CLU: variants seen among roughly 807,000 people sequenced by gnomAD.
The protein encoded by CLU is clusterin.
Under a neutral mutation model 46.4 loss-of-function variants are expected in CLU, and 25 were observed. The ratio of observed to expected loss-of-function variants is 0.54; its 90% CI spans 0.39 to 0.75. The LOEUF is 0.75. Ranked by LOEUF, CLU falls within the 30% of genes least tolerant of loss-of-function variation. CLU has a pLI of 0.00. For missense variants in CLU, 504 were observed against 592.1 expected (o/e 0.85, Z 1.54); for synonymous variants, 235 against 235.1 (o/e 1.00, Z 0.00).
At chr8:27,610,305 G>A (rs1255848579) in intron 2 of CLU, among the ~76,000 whole-genome samples, 170 bp downstream of exon 2, 1 of 152,228 alleles carries the variant, frequency 6.6e-6, no homozygotes, top group Non-Finnish European at 1.5e-5. Flanking sequence ...CAGGGGCCTC[G>A]GAGCTGAGGC....
chr8:27,600,375 T>G (rs981541245), intron 6 of CLU, among the ~76,000 whole-genome samples: 1 of 151,858 alleles, frequency 6.6e-6, no homozygotes, highest in East Asian at 1.9e-4. Flanking sequence ...GCTGGGACTA[T>G]AGGCACATGC....
At chr8:27,606,039 CAA>C (rs200681033) in intron 4 of CLU, among the ~76,000 whole-genome samples, 4 of 133,564 alleles carry the variant, frequency 3.0e-5, no homozygotes, top group Admixed American at 7.6e-5. Flanking sequence ...GACCCTGTCT[CAA>C]AAAAAAAAAA....
intron 6 of CLU, among the ~76,000 whole-genome samples, chr8:27,602,120 C>T (rs1563384665): frequency 6.6e-6 from 1 of 151,778 alleles, no homozygotes; most frequent in African/African-American, 2.4e-5. Flanking sequence ...AAGAAAAATC[C>T]TTGAGAGCTG....
chr8:27,609,655 G>A (rs1425087719), intron 2 of CLU, among the ~76,000 whole-genome samples: 1 of 152,174 alleles, frequency 6.6e-6, no homozygotes, highest in Admixed American at 6.5e-5. Flanking sequence ...AACACTTCAT[G>A]TGCAGTTTAC....
In CLU at chr8:27,603,120, C is replaced by T. The variant is rs563667249; in HGVS notation, c.934+1171G>A. ...TGTTAAGATTGGCGCCAGACCTGAGCCCAGCCTGGGCAACAGAGTAAAAAT... is the reference window on the plus strand; with the variant it reads ...TGTTAAGATTGGCGCCAGACCTGAGTCCAGCCTGGGCAACAGAGTAAAAAT... On this transcript the variant is annotated intron_variant, in intron 6 of 8. Coordinates refer to ENST00000316403, the MANE Select transcript of CLU (RefSeq NM_001831.4). Among the ~76,000 whole-genome samples, 7 of 152,264 alleles carry T rather than the reference C, an allele frequency of 4.6e-5. 1 individual carries two copies. Among genetic ancestry groups the T allele is most frequent in the African/African-American group, 1.7e-4 (7 of 41,544 alleles).
At position 27,598,516 on chromosome 8, in the gene CLU, A is replaced by C; in HGVS notation, c.1284T>G (p.Pro428=). The C allele has an allele frequency of 6.2e-7, 1 of 1,614,120 alleles. No individual in the cohort carries two copies. Among genetic ancestry groups the C allele is most frequent in the Non-Finnish European group, 8.5e-7 (1 of 1,180,036 alleles). ...TVPVEVSRKN[P]KFMETVAEKA... ...TCTCCGCCACGGTCTCCATAAATTT[A>C]GGGTTCTTCCTGGAGACTTCTACAG... The change falls in exon 8 of 9, where the codon CCT becomes CCG. Residue 428 remains proline, a synonymous_variant. Transcript: ENST00000316403.
chr8:27,606,430 T>A lies in CLU; in HGVS notation c.341A>T (p.Lys114Met). Reference sequence around the variant, plus strand: ...CATGCAGGTCTGTTTCAGGCAGGGCTTACACTCTTCCCAGAGGGCCATCAT... The same window carrying A: ...CATGCAGGTCTGTTTCAGGCAGGGCATACACTCTTCCCAGAGGGCCATCAT... ...ETMMALWEEC[K>M]PCLKQTCMKF... Residue 114 changes from lysine to methionine, a missense_variant, in exon 4 of 9, where the codon AAG (lysine) becomes ATG (methionine). By Grantham distance (95) the Lys-to-Met change is moderately conservative. This residue lies in a region of CLU where 428 missense variants were observed against 484.0 expected (regional missense o/e 0.88). Transcript: ENST00000316403. 1 of 1,614,250 alleles carries A rather than the reference T, an allele frequency of 6.2e-7. No individual in the cohort carries two copies. The highest frequency in any genetic ancestry group is 8.5e-7 in the Non-Finnish European group (1 of 1,180,050).
At chr8:27,613,127 C>T (rs1194038929) in intron 1 of CLU, among the ~76,000 whole-genome samples, 1 of 152,164 alleles carries the variant, frequency 6.6e-6, no homozygotes, top group East Asian at 1.9e-4. Flanking sequence ...TGATTCACAC[C>T]TGTCACCCCA....
intron 1 of CLU, chr8:27,610,899 C>T (rs1800915134): frequency 2.5e-6 from 1 of 404,276 alleles, no homozygotes; most frequent in East Asian, 5.8e-5. Flanking sequence ...CCACATCCTC[C>T]CCGACAATCA....
chr8:27,610,345 A>G, intron 2 of CLU, 130 bp downstream of exon 2: 3 of 791,654 alleles, frequency 3.8e-6, no homozygotes, highest in Non-Finnish European at 6.6e-6. Flanking sequence ...AGGCACCCAG[A>G]CCCAGTGCAC....
chr8:27,609,318 C>T (rs980522641), intron 2 of CLU, among the ~76,000 whole-genome samples: 2 of 151,936 alleles, frequency 1.3e-5, no homozygotes, highest in African/African-American at 2.4e-5. Flanking sequence ...CCATGGGAGC[C>T]GGCACACCCA....
rs756088240 is a variant in CLU, at chr8:27,599,909, T to C, written c.1035A>G (p.Leu345=). Residue 345 remains leucine (L), a synonymous_variant, in exon 7 of 9, where the codon CTA becomes CTG. Coordinates refer to ENST00000316403, the MANE Select transcript of CLU (RefSeq NM_001831.4). The surrounding 1 kb of genome is among the most constrained non-coding windows in gnomAD (Gnocchi z 4.0). ...TGAGCATCTTCCACTGGTAGGACTT[T>C]AGCAGCTCGTTGTATTTCCTGGTCA... ...ERLTRKYNEL[L]KSYQWKMLNT... 4.3e-6 allele frequency: 7 copies of C among 1,614,214 alleles called. No homozygotes were observed. Among genetic ancestry groups the C allele is most frequent in the Admixed American group, 1.7e-5 (1 of 60,030 alleles).
At position 27,597,934 on chromosome 8, in the gene CLU, T is replaced by A; in HGVS notation, c.*307A>T. 1.3e-5 allele frequency: 8 copies of A among 605,220 alleles called. No homozygotes were observed. The highest frequency in any genetic ancestry group is 1.5e-5 in the Non-Finnish European group (5 of 326,384). 37.5% of individuals were successfully genotyped at this position (605,220 alleles called of 1,614,324 possible). A position where few individuals can be genotyped will look rare whatever the true frequency, so the allele number is the denominator to read the frequency against. On this transcript the variant is annotated 3_prime_UTR_variant, in exon 9 of 9. Transcript: ENST00000316403. ...TTCCATCCCCCCTGCCTGCCCCCCA[T>A]AGCAAAATGAAGGCATGCCGGGAAG...
Position 27,597,171 on chromosome 8 carries a change from A to C in CLU, c.*1070T>G, listed in dbSNP as rs1800613575. 2.2e-6 allele frequency: 1 copy of C among 454,182 alleles called. No homozygotes were observed. Among genetic ancestry groups the C allele is most frequent in the Non-Finnish European group, 4.4e-6 (1 of 226,794 alleles). The allele number at this position is 454,182 out of a possible 1,614,324, so 28.1% of individuals were successfully genotyped here. On this transcript the variant is annotated 3_prime_UTR_variant, in exon 9 of 9. Transcript: ENST00000316403. ...TGACTTAAGAATATTCTAAGCTATA[A>C]ATTTACATGTGGACTTTGCTACACA...
chr8:27,606,357 G>C lies in CLU; in HGVS notation c.414C>G (p.Arg138=). 6.2e-7 allele frequency: 1 copy of C among 1,614,042 alleles called. No individual in the cohort carries two copies. Among genetic ancestry groups the C allele is most frequent in the Non-Finnish European group, 8.5e-7 (1 of 1,180,046 alleles). ...VCRSGSGLVG[R]QLEEFLNQSS... is the part of the protein sequence containing the mutation. ...CACTCATGTGTCCCCTTTTCACCTG[G>C]CGGCCAACCAGGCCTGAGCCACTTC... The change falls in exon 4 of 9, where the codon CGC becomes CGG. Residue 138 remains arginine (R), a synonymous_variant. Transcript: ENST00000316403.
At chr8:27,602,390 C>G (rs1246037058) in intron 6 of CLU, among the ~76,000 whole-genome samples, 1 of 151,852 alleles carries the variant, frequency 6.6e-6, no homozygotes, top group Non-Finnish European at 1.5e-5. Context: ...ATCACTTGAG[C>G]CCAGGAGTTA....
chr8:27,610,777 C>A (rs1206512696), intron 1 of CLU, 177 bp from the exon 2 acceptor site: 1 of 596,336 alleles, frequency 1.7e-6, no homozygotes. Flanking sequence ...GCCATGGACA[C>A]CTCGAATGAA....
rs765086249 is a variant in CLU, at chr8:27,605,100, A to T, written c.653T>A (p.Phe218Tyr). The T allele has an allele frequency of 1.2e-6, 2 of 1,614,020 alleles. No individual in the cohort carries two copies. The highest frequency in any genetic ancestry group is 1.7e-6 in the Non-Finnish European group (2 of 1,179,976). The change falls in exon 5 of 9, where the codon TTC (phenylalanine) becomes TAC (tyrosine). Residue 218 changes from phenylalanine (F) to tyrosine (Y), a missense_variant. Phe to Tyr is a conservative substitution (Grantham distance 22, BLOSUM62 3). Coordinates refer to ENST00000316403, the MANE Select transcript of CLU (RefSeq NM_001831.4). ...GACGATGCGGGACTTGGGAAAGAAG[A>T]AGTGAGGCCTCCGGTGGGGCAGGCT... ...PFSLPHRRPH[F>Y]FFPKSRIVRS... is the part of the protein sequence containing the mutation.
intron 3 of CLU, chr8:27,608,560 A>T (rs751819590): frequency 4.8e-6 from 2 of 413,454 alleles, no homozygotes; most frequent in East Asian, 1.1e-4. Context: ...GCCTGCCTTA[A>T]CCCTAACCAT....
Sources: allele counts gnomAD v4.1 joint callset (sites outside exome capture counted in the v4.1 genomes callset), GRCh38; gene constraint gnomAD v4.1.1; regional missense constraint gnomAD v4.1.1; non-coding constraint Gnocchi (gnomAD v3.1); transcripts MANE v1.5; gene names NCBI Gene and HGNC (gene_info 2026-07-23, HGNC 2026-07-21).